DGKB: variants seen among roughly 807,000 people sequenced by gnomAD.
The protein encoded by DGKB is 90 kDa diacylglycerol kinase.
In DGKB, 67 loss-of-function variants were observed where a neutral mutation model predicts 114.3. That is an observed-to-expected ratio of 0.59 (90% CI 0.48 to 0.72). The LOEUF is 0.72. DGKB is among the 30% of genes least tolerant of loss of function. DGKB has a pLI of 0.00. For synonymous variants in DGKB, 398 were observed against 323.1 expected (o/e 1.23, Z -2.49); for missense variants, 907 against 975.2 (o/e 0.93, Z 0.93).
chr7:14,312,005 C>A (rs2128507424), intron 23 of DGKB, among the ~76,000 whole-genome samples: 1 of 92,662 alleles, frequency 1.1e-5, no homozygotes, highest in South Asian at 4.4e-4. Flanking sequence ...GCTGCACCAG[C>A]TATGTTATTT....
chr7:14,698,919 T>C (rs1288628987), intron 7 of DGKB, among the ~76,000 whole-genome samples: 1 of 152,100 alleles, frequency 6.6e-6, no homozygotes, highest in East Asian at 1.9e-4. Context: ...ATTTGAAAAG[T>C]GGTGTTTTAC....
intron 23 of DGKB, among the ~76,000 whole-genome samples, chr7:14,315,957 C>G (rs1408304665): frequency 9.4e-5 from 14 of 149,252 alleles, no homozygotes; most frequent in African/African-American, 2.2e-4. Context: ...TGCAATCAAA[C>G]TAGAACTCAG....
intron 21 of DGKB, among the ~76,000 whole-genome samples, chr7:14,417,946 T>C (rs1825968171): frequency 6.6e-6 from 1 of 151,224 alleles, no homozygotes; most frequent in Non-Finnish European, 1.5e-5. Flanking sequence ...AATTTGCTTC[T>C]TTCAAAAAAT....
At chr7:14,497,889 T>A (rs1322519683) in intron 20 of DGKB, among the ~76,000 whole-genome samples, 1 of 151,820 alleles carries the variant, frequency 6.6e-6, no homozygotes, top group Non-Finnish European at 1.5e-5. Context: ...AAAAATTCCT[T>A]TATATAACCA....
intron 2 of DGKB, among the ~76,000 whole-genome samples, chr7:14,770,628 A>C (rs954748595): frequency 6.6e-6 from 1 of 152,148 alleles, no homozygotes; most frequent in Admixed American, 6.6e-5. Flanking sequence ...TGATATCTCT[A>C]GGGAATTCTA....
intron 23 of DGKB, among the ~76,000 whole-genome samples, chr7:14,244,669 CAAAAAAAAA>C (rs34364672): frequency 2.2e-5 from 1 of 46,398 alleles, no homozygotes; most frequent in African/African-American, 8.3e-5. Context: ...GACTCTGTCT[CAAAAAAAAA>C]AAAAAAAAAA....
At chr7:14,325,536 G>A (rs138798925) in intron 23 of DGKB, among the ~76,000 whole-genome samples, 8 of 152,190 alleles carry the variant, frequency 5.3e-5, no homozygotes, top group South Asian at 2.1e-4. Flanking sequence ...GTCAACTTTC[G>A]TTGGGATAAA....
At chr7:14,831,044 G>A (rs929523) in intron 2 of DGKB, among the ~76,000 whole-genome samples, 63,277 of 151,578 alleles carry the variant, frequency 0.42, 13,856 homozygotes, top group South Asian at 0.62. Context: ...CAGCAATTAC[G>A]TGAATTCCCC....
chr7:14,904,979 C>A (rs558800927), upstream of DGKB, among the ~76,000 whole-genome samples: 1 of 152,144 alleles, frequency 6.6e-6, no homozygotes, highest in Non-Finnish European at 1.5e-5. Context: ...CTTACTATAA[C>A]TAGCAGGATC....
chr7:14,535,712 T>C (rs1404789472), intron 20 of DGKB, among the ~76,000 whole-genome samples: 3 of 152,014 alleles, frequency 2.0e-5, no homozygotes, highest in Non-Finnish European at 4.4e-5. Flanking sequence ...CTCAGCCTCC[T>C]GAGTAACTGG....
intron 14 of DGKB, among the ~76,000 whole-genome samples, chr7:14,622,867 C>T: frequency 6.6e-6 from 1 of 152,128 alleles, no homozygotes. Context: ...GGAAAACTTG[C>T]CACTGCACAT....
At position 14,621,383 on chromosome 7, in the gene DGKB, G is replaced by A. The variant is rs778018036; in HGVS notation, c.1279C>T (p.Leu427=). 9 of 1,599,298 alleles carry A rather than the reference G, an allele frequency of 5.6e-6. No homozygotes were observed. The highest frequency in any genetic ancestry group is 7.7e-6 in the Non-Finnish European group (9 of 1,168,364). Residue 427 remains leucine, a synonymous_variant, in exon 15 of 26, where the codon CTG becomes TTG. Transcript: ENST00000402815. ...ANSVTVDGQG[L]QVTPVPGTHP... The stretch of plus-strand genomic sequence containing the variant: ...TTTGATTTAAAAAATCATACCTGCA[G>A]GCCTTGTCCATCTACAGTAACAGAG...
chr7:14,690,691 C>T (rs1030287744), intron 9 of DGKB, among the ~76,000 whole-genome samples: 16 of 152,192 alleles, frequency 1.1e-4, no homozygotes, highest in African/African-American at 3.6e-4. Flanking sequence ...GACCTTATGG[C>T]CCCATAGCCA....
At chr7:14,328,478 C>A (rs1809147725) in intron 23 of DGKB, among the ~76,000 whole-genome samples, 2 of 151,924 alleles carry the variant, frequency 1.3e-5, no homozygotes, top group Admixed American at 1.3e-4. Context: ...GTCTTCAACT[C>A]TGAAATGAAC....
intron 23 of DGKB, among the ~76,000 whole-genome samples, chr7:14,272,387 G>C (rs1332491541): frequency 6.6e-6 from 1 of 151,932 alleles, no homozygotes; most frequent in Non-Finnish European, 1.5e-5. Flanking sequence ...TAAAATTATA[G>C]GTTTGAAGAA....
chr7:14,515,609 T>A (rs1441711367), intron 20 of DGKB, among the ~76,000 whole-genome samples: 1 of 152,104 alleles, frequency 6.6e-6, no homozygotes, highest in Non-Finnish European at 1.5e-5. Flanking sequence ...AAAGAAAAAA[T>A]CAATAAATTT....
rs1406957333 is a variant in DGKB, at chr7:14,591,574, C to T, written c.1434-8437G>A. 2.0e-5 allele frequency among the ~76,000 whole-genome samples: 3 copies of T among 152,044 alleles called. No individual in the cohort carries two copies. The East Asian group carries it at 5.8e-4, about 29-fold the overall frequency. On this transcript the variant is annotated intron_variant, in intron 17 of 25. Transcript: ENST00000402815. ...TATCATATTTGCTCTATAATCACCA[C>T]TATAACATTCCATAAAGTTTCAGTT...
intron 23 of DGKB, among the ~76,000 whole-genome samples, chr7:14,242,191 C>A (rs1323853817): frequency 6.6e-6 from 1 of 152,116 alleles, no homozygotes; most frequent in Non-Finnish European, 1.5e-5. Context: ...TCACAGAGAC[C>A]AGTCTCCAGT....
At chr7:14,704,695 T>C (rs1314744082) in intron 6 of DGKB, among the ~76,000 whole-genome samples, 2 of 152,114 alleles carry the variant, frequency 1.3e-5, no homozygotes, top group African/African-American at 2.4e-5. Context: ...GGAGGCACCC[T>C]CCAGCAGGGG....
Sources: allele counts gnomAD v4.1 joint callset (sites outside exome capture counted in the v4.1 genomes callset), GRCh38; gene constraint gnomAD v4.1.1; transcripts MANE v1.5; gene names NCBI Gene and HGNC (gene_info 2026-07-23, HGNC 2026-07-21).